CCBE1: variants seen among roughly 807,000 people sequenced by gnomAD.
The protein encoded by CCBE1 is collagen and calcium binding EGF domains 1, also known as collagen and calcium-binding EGF domain-containing protein 1.
CCBE1 carries 37 observed loss-of-function variants against 50.0 expected under a neutral mutation model. That is an observed-to-expected ratio of 0.74 (90% CI 0.57 to 0.97). CCBE1 has a LOEUF of 0.97. Among genes scored for constraint, CCBE1 ranks in the 50% least tolerant of loss-of-function variants. The probability of loss-of-function intolerance (pLI) is 0.00; values close to 1 mark genes in which losing one functional copy is unlikely to be tolerated. For missense variants in CCBE1, 538 were observed against 523.8 expected, an observed-to-expected ratio of 1.03 and a Z score of -0.26; for synonymous variants, 234 against 203.7, an observed-to-expected ratio of 1.15 and a Z score of -1.27.
At chr18:59,556,728 C>T (rs1208595034) in intron 2 of CCBE1, among the ~76,000 whole-genome samples, 1 of 152,204 alleles carries the variant, frequency 6.6e-6, no homozygotes, top group Non-Finnish European at 1.5e-5. Flanking sequence ...GTAACTCTTC[C>T]AACCCACACT....
At chr18:59,482,143 C>T (rs1230176516) in intron 2 of CCBE1, among the ~76,000 whole-genome samples, 7 of 152,164 alleles carry the variant, frequency 4.6e-5, no homozygotes, top group African/African-American at 7.2e-5. Context: ...TGAGAACACG[C>T]GGTTTTCTGT....
chr18:59,582,553 C>T (rs908667088), intron 2 of CCBE1, among the ~76,000 whole-genome samples: 1 of 152,172 alleles, frequency 6.6e-6, no homozygotes, highest in Admixed American at 6.5e-5. Context: ...CTTAAGAACT[C>T]AGGCTCTTCA....
At chr18:59,629,085 T>C (rs1411358665) in intron 2 of CCBE1, among the ~76,000 whole-genome samples, 1 of 152,068 alleles carries the variant, frequency 6.6e-6, no homozygotes, top group Non-Finnish European at 1.5e-5. Context: ...CTGTCACTCC[T>C]CTGTTCAAAC....
At chr18:59,686,378 A>G (rs146695108) in intron 2 of CCBE1, among the ~76,000 whole-genome samples, 1 of 152,364 alleles carries the variant, frequency 6.6e-6, no homozygotes, top group African/African-American at 2.4e-5. Flanking sequence ...TTGTCAGGCC[A>G]TCAAAAGCCC....
Position 59,469,334 on chromosome 18 carries a change from C to T in CCBE1, c.400+139G>A. 5.2e-6 allele frequency: 6 copies of T among 1,151,492 alleles called. No individual in the cohort carries two copies. The South Asian group carries it at 7.4e-5, about 14-fold the overall frequency. 71.3% of individuals were successfully genotyped at this position (1,151,492 alleles called of 1,614,324 possible). A position where few individuals can be genotyped will look rare whatever the true frequency, so the allele number is the denominator to read the frequency against. ...TGGTTTTAGTAATTGTGATGAAGGG[C>T]AGTGATAAGCTATCCCTAGGATAAT... is the stretch of plus-strand genomic sequence containing the variant. On this transcript the variant is annotated intron_variant, in intron 4 of 10. Transcript: ENST00000439986.
chr18:59,489,559 A>G (rs1342928388), intron 2 of CCBE1, among the ~76,000 whole-genome samples: 4 of 151,920 alleles, frequency 2.6e-5, no homozygotes. Flanking sequence ...GATTACTGGG[A>G]TGTGCCACCA....
At chr18:59,443,486 A>C (rs1340937619) in intron 7 of CCBE1, among the ~76,000 whole-genome samples, 1 of 144,306 alleles carries the variant, frequency 6.9e-6, no homozygotes, top group Non-Finnish European at 1.5e-5. Context: ...TTTTTTTTTG[A>C]GATGGAGTCT....
intron 2 of CCBE1, among the ~76,000 whole-genome samples, chr18:59,643,895 A>G (rs531333318): frequency 1.3e-5 from 2 of 152,118 alleles, no homozygotes; most frequent in African/African-American, 4.8e-5. Context: ...TTAACATGCA[A>G]ATATCTACCA....
At chr18:59,658,897 A>AAAC (rs1568259066) in intron 2 of CCBE1, among the ~76,000 whole-genome samples, 2 of 147,902 alleles carry the variant, frequency 1.4e-5, no homozygotes, top group Non-Finnish European at 3.0e-5. Flanking sequence ...AAAAAAAAAA[A>AAAC]AAAAAAAAAC....
At chr18:59,536,465 G>A (rs1165801830) in intron 2 of CCBE1, among the ~76,000 whole-genome samples, 2 of 152,254 alleles carry the variant, frequency 1.3e-5, no homozygotes, top group African/African-American at 2.4e-5. Flanking sequence ...TGGAAATACC[G>A]AAGACAATTT....
At chr18:59,472,934 A>G (rs1598931224) in intron 3 of CCBE1, among the ~76,000 whole-genome samples, 1 of 152,174 alleles carries the variant, frequency 6.6e-6, no homozygotes, top group African/African-American at 2.4e-5. Flanking sequence ...CTCATTTATA[A>G]AACCATCAGA....
At chr18:59,537,258 T>G (rs1042384637) in intron 2 of CCBE1, among the ~76,000 whole-genome samples, 2 of 152,188 alleles carry the variant, frequency 1.3e-5, no homozygotes, top group South Asian at 2.1e-4. Context: ...TTACAGTCTC[T>G]GTAGAATAAT....
At chr18:59,581,544 G>A (rs963811666) in intron 2 of CCBE1, among the ~76,000 whole-genome samples, 4 of 151,994 alleles carry the variant, frequency 2.6e-5, no homozygotes, top group African/African-American at 9.7e-5. Flanking sequence ...AGATCCACTG[G>A]GTAATAAAGC....
At chr18:59,558,081 T>G (rs1183605054) in intron 2 of CCBE1, among the ~76,000 whole-genome samples, 1 of 152,234 alleles carries the variant, frequency 6.6e-6, no homozygotes, top group Non-Finnish European at 1.5e-5. Context: ...GTGTATCTTA[T>G]GTCTCCTTTC....
chr18:59,491,581 A>G (rs1234557695), intron 2 of CCBE1, among the ~76,000 whole-genome samples: 2 of 145,868 alleles, frequency 1.4e-5, no homozygotes, highest in Non-Finnish European at 3.1e-5. Flanking sequence ...TGGGAAGCCA[A>G]GGCGGGCGGA....
At chr18:59,527,558 C>T (rs1914876894) in intron 2 of CCBE1, among the ~76,000 whole-genome samples, 1 of 152,072 alleles carries the variant, frequency 6.6e-6, no homozygotes, top group South Asian at 2.1e-4. Flanking sequence ...ATTTTGCAGA[C>T]TTGTTGACGT....
chr18:59,681,504 C>T (rs563179352), intron 2 of CCBE1, among the ~76,000 whole-genome samples: 6 of 152,232 alleles, frequency 3.9e-5, no homozygotes, highest in Admixed American at 6.5e-5. Context: ...GAGTGGGTGC[C>T]GTGGGACTAC....
At chr18:59,470,315 T>C (rs1911970105) in intron 3 of CCBE1, among the ~76,000 whole-genome samples, 1 of 151,962 alleles carries the variant, frequency 6.6e-6, no homozygotes, top group African/African-American at 2.4e-5. Context: ...GAGAACACCA[T>C]GGGAAAGACC....
chr18:59,523,945 A>C (rs914699772), intron 2 of CCBE1, among the ~76,000 whole-genome samples: 1 of 152,224 alleles, frequency 6.6e-6, no homozygotes, highest in Non-Finnish European at 1.5e-5. Context: ...TTCTGTGACT[A>C]TCTGAACTTC....
Sources: gnomAD v4.1 joint callset for allele counts (sites outside exome capture counted in the v4.1 genomes callset) on GRCh38, gnomAD v4.1.1 for gene constraint, MANE v1.5 for transcripts, NCBI Gene and HGNC (gene_info 2026-07-23, HGNC 2026-07-21) for gene names.